Variants in DAB1 observed in about 807,000 individuals in gnomAD.
DAB1 encodes the protein disabled homolog 1.
Under a neutral mutation model 64.6 loss-of-function variants are expected in DAB1, and 15 were observed. The ratio of observed to expected loss-of-function variants is 0.23; its 90% CI spans 0.16 to 0.36. DAB1 has a LOEUF of 0.36. DAB1 is among the 10% of genes least tolerant of loss of function. The pLI, the probability that DAB1 is intolerant of heterozygous loss-of-function variation, is 1.00. For synonymous variants in DAB1, 235 were observed against 251.9 expected (o/e 0.93, Z 0.64); for missense variants, 596 against 706.7 (o/e 0.84, Z 1.78).
chr1:57,486,451 A>G (rs968670436), intron 7 of DAB1, among the ~76,000 whole-genome samples: 9 of 152,208 alleles, frequency 5.9e-5, no homozygotes, highest in African/African-American at 1.7e-4. Context: ...AGTCTGGTCT[A>G]TGACAAGCAG....
chr1:57,560,748 G>A (rs1181361621), intron 7 of DAB1, among the ~76,000 whole-genome samples: 1 of 152,184 alleles, frequency 6.6e-6, no homozygotes, highest in East Asian at 1.9e-4. Context: ...AGGTGACAGT[G>A]GCAGATAGGG....
chr1:57,182,292 T>G (rs1663054159), intron 2 of DAB1, among the ~76,000 whole-genome samples: 1 of 152,246 alleles, frequency 6.6e-6, no homozygotes, highest in Non-Finnish European at 1.5e-5. Context: ...TATCAATTAC[T>G]AGTGTCCCAG....
intron 3 of DAB1, among the ~76,000 whole-genome samples, chr1:58,442,745 C>T (rs1645026004): frequency 6.6e-6 from 1 of 152,232 alleles, no homozygotes; most frequent in Non-Finnish European, 1.5e-5. Flanking sequence ...ATGGGCCTGG[C>T]ATTGTGACTC....
chr1:57,640,435 C>T lies in DAB1; in HGVS notation n.625+9157G>A, dbSNP rs182593825. On this transcript the variant is annotated intron_variant and non_coding_transcript_variant, in intron 7 of 20. Coordinates refer to the DAB1 transcript ENST00000485760. ...ACTCTTCACAACCACTTCTAATTTC[C>T]TTTTTTTACAGGTAAGGGAATTGAG... 5.7e-3 allele frequency among the ~76,000 whole-genome samples: 868 copies of T among 152,124 alleles called. 3 individuals are homozygous for T. Among genetic ancestry groups the T allele is most frequent in the Non-Finnish European group, 8.5e-3 (578 of 68,000 alleles).
At chr1:57,577,552 T>G (rs1645264694) in intron 7 of DAB1, among the ~76,000 whole-genome samples, 1 of 152,224 alleles carries the variant, frequency 6.6e-6, no homozygotes, top group Admixed American at 6.5e-5. Context: ...GTAGGTATTG[T>G]TACTCCCATA....
chr1:58,463,620 GTGTGTACA>G (rs1191904312), intron 3 of DAB1, among the ~76,000 whole-genome samples: 4 of 152,368 alleles, frequency 2.6e-5, no homozygotes, highest in Admixed American at 2.0e-4. Flanking sequence ...TTGAGAGTCT[GTGTGTACA>G]TGTATCTACG....
chr1:57,744,649 A>G (rs1175364437), intron 6 of DAB1, among the ~76,000 whole-genome samples: 1 of 152,148 alleles, frequency 6.6e-6, no homozygotes, highest in Non-Finnish European at 1.5e-5. Context: ...GTTCCTCGGC[A>G]TCTTGCTCCT....
intron 6 of DAB1, among the ~76,000 whole-genome samples, chr1:57,658,727 T>C (rs528346471): frequency 1.3e-5 from 2 of 152,208 alleles, no homozygotes; most frequent in African/African-American, 4.8e-5. Context: ...CACGCCCAGC[T>C]AATTTTCTTT....
At chr1:57,110,765 C>T (rs491585) in intron 4 of DAB1, among the ~76,000 whole-genome samples, 115,502 of 151,852 alleles carry the variant, frequency 0.76, 44,137 homozygotes, top group East Asian at 0.98. Flanking sequence ...ACTTCATGGG[C>T]GTTATTTCAT....
At chr1:57,436,872 C>A (rs1430900759) in intron 7 of DAB1, among the ~76,000 whole-genome samples, 6 of 151,764 alleles carry the variant, frequency 4.0e-5, no homozygotes, top group Admixed American at 2.6e-4. Context: ...CTAAAAAATA[C>A]AAAAAATTAC....
intron 4 of DAB1, among the ~76,000 whole-genome samples, chr1:58,163,584 T>C (rs1655662264): frequency 6.6e-6 from 1 of 152,184 alleles, no homozygotes; most frequent in Non-Finnish European, 1.5e-5. Context: ...TGGTGCCTGC[T>C]TGCCTGGGAC....
At position 57,163,725 on chromosome 1, in the gene DAB1, A is replaced by C. The variant is rs576335778; in HGVS notation, c.68-18296T>G. Among the ~76,000 whole-genome samples, 13 of 152,234 alleles carry C rather than the reference A, an allele frequency of 8.5e-5. No homozygotes were observed. The South Asian group carries it at 2.5e-3, about 29-fold the overall frequency. ...CACTAGATAAGAAATGGGCTGAATC[A>C]AAAAATATGCTGGAGGAAGAGCAGA... On this transcript the variant is annotated intron_variant, in intron 2 of 14. Coordinates refer to ENST00000371236, the MANE Select transcript of DAB1 (RefSeq NM_001365792.1).
At chr1:57,788,408 T>G (rs1650437603) in intron 6 of DAB1, among the ~76,000 whole-genome samples, 1 of 152,144 alleles carries the variant, frequency 6.6e-6, no homozygotes, top group Non-Finnish European at 1.5e-5. Context: ...TTATGCTAAG[T>G]GAAAGAAGCC....
chr1:58,482,602 A>T (rs1411657663), intron 3 of DAB1, among the ~76,000 whole-genome samples: 1 of 152,152 alleles, frequency 6.6e-6, no homozygotes, highest in East Asian at 1.9e-4. Context: ...AAGGCAGTAA[A>T]GGAGACAGTG....
chr1:57,471,609 T>C (rs914059033), intron 7 of DAB1, among the ~76,000 whole-genome samples: 1 of 152,176 alleles, frequency 6.6e-6, no homozygotes, highest in Non-Finnish European at 1.5e-5. Flanking sequence ...CAAGATCTGT[T>C]GGTTTTAAAA....
chr1:58,496,123 G>A (rs1645797108), intron 3 of DAB1, among the ~76,000 whole-genome samples: 1 of 151,778 alleles, frequency 6.6e-6, no homozygotes, highest in Admixed American at 6.6e-5. Context: ...GTTATATGCA[G>A]CTTGGATTTC....
At chr1:58,253,254 T>C (rs1660845775) in intron 4 of DAB1, among the ~76,000 whole-genome samples, 2 of 152,214 alleles carry the variant, frequency 1.3e-5, no homozygotes, top group South Asian at 4.1e-4. Context: ...AAGGATTTGC[T>C]CATTTATCTA....
chr1:57,403,974 G>GCAGT (rs1683438223), intron 1 of DAB1, among the ~76,000 whole-genome samples: 1 of 152,092 alleles, frequency 6.6e-6, no homozygotes, highest in South Asian at 2.1e-4. Context: ...GAAAATGATG[G>GCAGT]CAGTCATTCT....
intron 7 of DAB1, among the ~76,000 whole-genome samples, chr1:57,626,802 T>C (rs2101623030): frequency 6.6e-6 from 1 of 152,128 alleles, no homozygotes; most frequent in South Asian, 2.1e-4. Flanking sequence ...AAGGCACTAG[T>C]CTTACTTATG....
Sources: gnomAD v4.1 joint callset for allele counts (sites outside exome capture counted in the v4.1 genomes callset) on GRCh38, gnomAD v4.1.1 for gene constraint, MANE v1.5 for transcripts, NCBI Gene and HGNC (gene_info 2026-07-23, HGNC 2026-07-21) for gene names.